The following HSD17B6 variants were observed in gnomAD, a reference collection of about 807,000 sequenced individuals.
HSD17B6 encodes 17-beta-hydroxysteroid dehydrogenase type 6.
In HSD17B6, 16 loss-of-function variants were observed where a neutral mutation model predicts 26.4. That is an observed-to-expected ratio of 0.61 (90% CI 0.41 to 0.92). The LOEUF is 0.92. Ranked by LOEUF, HSD17B6 falls within the 40% of genes least tolerant of loss-of-function variation. The pLI is 0.00. For synonymous variants in HSD17B6, 139 were observed against 153.0 expected (o/e 0.91, Z 0.68); for missense variants, 357 against 386.1 (o/e 0.92, Z 0.63).
At chr12:56,782,585 C>A (rs1243124668) in intron 3 of HSD17B6, among the ~76,000 whole-genome samples, 2 of 152,110 alleles carry the variant, frequency 1.3e-5, no homozygotes, top group Non-Finnish European at 2.9e-5. Context: ...CCTCAACCTC[C>A]TGGGCTCAAA....
chr12:56,777,327 C>T (rs1430404019), intron 2 of HSD17B6, among the ~76,000 whole-genome samples: 1 of 151,746 alleles, frequency 6.6e-6, no homozygotes, highest in African/African-American at 2.4e-5. Flanking sequence ...GACTCCTGGG[C>T]TCAAGCCAAC....
chr12:56,775,504 A>G (rs1954573066), intron 2 of HSD17B6, among the ~76,000 whole-genome samples: 1 of 152,300 alleles, frequency 6.6e-6, no homozygotes, highest in Admixed American at 6.5e-5. Flanking sequence ...CTTGAAGTCA[A>G]TCTTTGGTCT....
chr12:56,765,144 A>C (rs998644014), intron 1 of HSD17B6, among the ~76,000 whole-genome samples: 1 of 151,022 alleles, frequency 6.6e-6, no homozygotes, highest in African/African-American at 2.4e-5. Context: ...ATTTAAGAAA[A>C]TTTTTTTTTA....
chr12:56,780,340 C>G (rs1191470538), intron 2 of HSD17B6, among the ~76,000 whole-genome samples: 1 of 152,216 alleles, frequency 6.6e-6, no homozygotes, highest in African/African-American at 2.4e-5. Flanking sequence ...CCTGTACTAA[C>G]ATTCTTAAAT....
intron 2 of HSD17B6, among the ~76,000 whole-genome samples, chr12:56,775,100 GA>G (rs1180868966): frequency 6.6e-6 from 1 of 152,238 alleles, no homozygotes; most frequent in African/African-American, 2.4e-5. Flanking sequence ...GCTGAGCTTA[GA>G]AGGCTGGCCT....
intron 1 of HSD17B6, among the ~76,000 whole-genome samples, chr12:56,767,980 G>GTA (rs373206273): frequency 8.0e-4 from 120 of 149,612 alleles, no homozygotes; most frequent in East Asian, 2.5e-3. Flanking sequence ...TGTATATTGT[G>GTA]TATATATATA....
intron 1 of HSD17B6, among the ~76,000 whole-genome samples, chr12:56,766,792 G>A (rs1954339445): frequency 6.6e-6 from 1 of 152,158 alleles, no homozygotes; most frequent in Admixed American, 6.6e-5. Flanking sequence ...GGGTAGAGAA[G>A]GGAGAGGAGG....
intron 1 of HSD17B6, among the ~76,000 whole-genome samples, chr12:56,767,726 T>C (rs1954370392): frequency 6.9e-6 from 1 of 145,146 alleles, no homozygotes; most frequent in Non-Finnish European, 1.5e-5. Context: ...TACACACATA[T>C]ATAATATATA....
At position 56,774,106 on chromosome 12, in the gene HSD17B6, C is replaced by T. The variant is rs1308995744; in HGVS notation, c.254C>T (p.Thr85Ile). The T allele has an allele frequency of 5.0e-6, 8 of 1,608,740 alleles. No homozygotes were observed. The highest frequency in any genetic ancestry group is 6.8e-6 in the Non-Finnish European group (8 of 1,176,674). The change falls in exon 2 of 5, where the codon ACC becomes ATC. Residue 85 changes from threonine to isoleucine, a missense_variant. By Grantham distance (89) the Thr-to-Ile change is moderately conservative (BLOSUM62 -1). Coordinates refer to ENST00000322165, the MANE Select transcript of HSD17B6 (RefSeq NM_003725.4). ...CTGGAGACGGTGACCCTGGATGTTA[C>T]CAAGATGGAGAGCATCGCTGCAGCT... Reference protein sequence around the residue: ...DRLETVTLDVTKMESIAAATQ... With the variant: ...DRLETVTLDVIKMESIAAATQ...
intron 3 of HSD17B6, among the ~76,000 whole-genome samples, chr12:56,784,415 C>G (rs1954827602): frequency 6.6e-6 from 1 of 152,246 alleles, no homozygotes; most frequent in Non-Finnish European, 1.5e-5. Flanking sequence ...GAGACTCCGT[C>G]TGCAATCCCG....
chr12:56,772,603 A>G (rs1954499120), intron 1 of HSD17B6, among the ~76,000 whole-genome samples: 1 of 151,388 alleles, frequency 6.6e-6, no homozygotes, highest in Non-Finnish European at 1.5e-5. Context: ...GGCTGAGGCA[A>G]GGAGAATCAC....
chr12:56,768,534 C>T (rs1393039279), intron 1 of HSD17B6, among the ~76,000 whole-genome samples: 1 of 152,080 alleles, frequency 6.6e-6, no homozygotes, highest in South Asian at 2.1e-4. Flanking sequence ...CCCTGGAACC[C>T]CCTGAGATGA....
intron 1 of HSD17B6, among the ~76,000 whole-genome samples, chr12:56,772,965 G>A (rs113657446): frequency 2.6e-5 from 4 of 152,078 alleles, no homozygotes; most frequent in African/African-American, 9.7e-5. Flanking sequence ...TGATGCTAGC[G>A]GGCCCATACC....
intron 1 of HSD17B6, among the ~76,000 whole-genome samples, 175 bp downstream of exon 1, chr12:56,763,589 G>A (rs1207530241): frequency 6.6e-6 from 1 of 151,916 alleles, no homozygotes; most frequent in East Asian, 1.9e-4. Flanking sequence ...TGTCACGATT[G>A]CTTGCTCTGC....
At chr12:56,778,508 C>T (rs1954638970) in intron 2 of HSD17B6, among the ~76,000 whole-genome samples, 1 of 151,658 alleles carries the variant, frequency 6.6e-6, no homozygotes, top group Non-Finnish European at 1.5e-5. Context: ...GGCTGGTGAC[C>T]TCAGGTGATC....
In HSD17B6 at chr12:56,774,038, G is replaced by A. The variant is rs774341226; in HGVS notation, c.186G>A (p.Thr62=). ...TGAGAGTGCTGGCTGCGTGTCTGAC[G>A]GAGAAGGGGGCCGAGCAGCTGAGGG... ...RGLRVLAACL[T]EKGAEQLRGQ... The change falls in exon 2 of 5, where the codon ACG becomes ACA. Residue 62 remains threonine (T), a synonymous_variant. Transcript: ENST00000322165. 1.0e-4 allele frequency: 166 copies of A among 1,614,046 alleles called. No homozygotes were observed. Among genetic ancestry groups the A allele is most frequent in the Non-Finnish European group, 1.2e-4 (145 of 1,180,022 alleles).
chr12:56,786,590 C>T (rs1257812869), intron 4 of HSD17B6, among the ~76,000 whole-genome samples: 1 of 152,208 alleles, frequency 6.6e-6, no homozygotes, highest in Non-Finnish European at 1.5e-5. Flanking sequence ...TGCCTCACAC[C>T]TATAATTCCA....
intron 1 of HSD17B6, among the ~76,000 whole-genome samples, chr12:56,763,719 G>A (rs1355163855): frequency 6.6e-6 from 1 of 151,914 alleles, no homozygotes; most frequent in African/African-American, 2.4e-5. Context: ...GGCAGTGGGG[G>A]AAACAAGCTC....
At chr12:56,786,010 A>G (rs754582683) in intron 4 of HSD17B6, 9 of 941,712 alleles carry the variant, frequency 9.6e-6, no homozygotes, top group South Asian at 4.9e-5. Context: ...AATGACTTCT[A>G]ATAGGTACAG....
Sources: gnomAD v4.1 joint callset for allele counts (sites outside exome capture counted in the v4.1 genomes callset) on GRCh38, gnomAD v4.1.1 for gene constraint, MANE v1.5 for transcripts, NCBI Gene and HGNC (gene_info 2026-07-23, HGNC 2026-07-21) for gene names.